Variants in PABPC4L observed in about 807,000 individuals in gnomAD.
PABPC4L encodes poly(A) binding protein cytoplasmic 4 like.
For synonymous variants in PABPC4L, 169 were observed against 164.1 expected, an observed-to-expected ratio of 1.03 and a Z score of -0.23; for missense variants, 452 against 451.4, an observed-to-expected ratio of 1.00 and a Z score of -0.01.
chr4:133,973,172 G>T, the PABPC4L span, among the ~76,000 whole-genome samples: 1 of 152,172 alleles, frequency 6.6e-6, no homozygotes, highest in Non-Finnish European at 1.5e-5. Flanking sequence ...CCAATTAAAT[G>T]TCTTGATTTA....
At chr4:134,177,965 GCA>G in the PABPC4L span, among the ~76,000 whole-genome samples, 1 of 151,996 alleles carries the variant, frequency 6.6e-6, no homozygotes, top group Admixed American at 6.6e-5. Flanking sequence ...CAGCTAGAAG[GCA>G]CAGTTTCCTG....
At chr4:134,138,792 G>A in the PABPC4L span, among the ~76,000 whole-genome samples, 1 of 151,604 alleles carries the variant, frequency 6.6e-6, no homozygotes, top group African/African-American at 2.4e-5. Flanking sequence ...CTTGCCCTTT[G>A]AAGAGCTGTA....
At chr4:134,174,336 T>C in the PABPC4L span, among the ~76,000 whole-genome samples, 1 of 152,126 alleles carries the variant, frequency 6.6e-6, no homozygotes, top group Admixed American at 6.6e-5. Context: ...GAATAATAAA[T>C]AGTATAGTAA....
the PABPC4L span, among the ~76,000 whole-genome samples, chr4:134,015,327 T>C: frequency 6.6e-5 from 10 of 152,116 alleles, no homozygotes; most frequent in Non-Finnish European, 1.5e-5. Context: ...AACAAAATTG[T>C]TTTGCCTATC....
chr4:134,024,988 T>C, the PABPC4L span, among the ~76,000 whole-genome samples: 5 of 148,680 alleles, frequency 3.4e-5, no homozygotes, highest in Admixed American at 3.4e-4. Context: ...TACAGGTTGG[T>C]CTCAGACTTC....
the PABPC4L span, among the ~76,000 whole-genome samples, chr4:134,079,578 C>CAAAAAAAAAAAA: frequency 5.5e-5 from 5 of 90,696 alleles, no homozygotes; most frequent in African/African-American, 1.6e-4. Flanking sequence ...GACTTCCTCT[C>CAAAAAAAAAAAA]AAAAAAAAAA....
chr4:134,148,776 C>A, the PABPC4L span, among the ~76,000 whole-genome samples: 8 of 152,048 alleles, frequency 5.3e-5, no homozygotes, highest in African/African-American at 1.9e-4. Context: ...ATACTAACTC[C>A]TTTTTTGTGT....
the PABPC4L span, among the ~76,000 whole-genome samples, chr4:134,040,565 C>A: frequency 2.4e-4 from 36 of 152,216 alleles, no homozygotes; most frequent in African/African-American, 8.7e-4. Flanking sequence ...ACACCTTATA[C>A]AAAAATTAAC....
At chr4:133,964,012 C>T in the PABPC4L span, among the ~76,000 whole-genome samples, 7 of 151,774 alleles carry the variant, frequency 4.6e-5, no homozygotes, top group East Asian at 7.8e-4. Flanking sequence ...AAAAAATATA[C>T]AAAATATAAA....
At chr4:134,137,047 A>G in the PABPC4L span, among the ~76,000 whole-genome samples, 2 of 151,974 alleles carry the variant, frequency 1.3e-5, no homozygotes, top group Admixed American at 6.6e-5. Flanking sequence ...TCTGTACTGG[A>G]GTTCATTCTC....
the PABPC4L span, among the ~76,000 whole-genome samples, chr4:134,111,437 TAC>T: frequency 6.6e-6 from 1 of 151,692 alleles, no homozygotes; most frequent in East Asian, 1.9e-4. Context: ...TATAGATAGA[TAC>T]ACACACACAT....
downstream of PABPC4L, among the ~76,000 whole-genome samples, chr4:134,195,769 A>G (rs1011613451): frequency 6.6e-6 from 1 of 151,702 alleles, no homozygotes; most frequent in East Asian, 1.9e-4. Context: ...ACCATGAGAC[A>G]AAACCAACAC....
the PABPC4L span, among the ~76,000 whole-genome samples, chr4:134,172,616 T>G: frequency 2.6e-5 from 4 of 152,018 alleles, no homozygotes; most frequent in African/African-American, 7.2e-5. Context: ...GATTTCATGA[T>G]GAAGATGCCA....
the PABPC4L span, among the ~76,000 whole-genome samples, chr4:134,055,831 G>A: frequency 6.6e-6 from 1 of 151,802 alleles, no homozygotes; most frequent in Non-Finnish European, 1.5e-5. Flanking sequence ...TTTTGTTGAA[G>A]TCTAATTCAT....
At chr4:134,147,801 G>A in the PABPC4L span, among the ~76,000 whole-genome samples, 2 of 151,400 alleles carry the variant, frequency 1.3e-5, no homozygotes, top group Non-Finnish European at 2.9e-5. Context: ...TAAAATAAGT[G>A]TTTGAATGCA....
rs755844780 is a variant in PABPC4L at position 134,197,712 on chromosome 4, T to G, written c.*2195A>C. 3 of 151,766 alleles carry G rather than the reference T, an allele frequency of 2.0e-5. No homozygotes were observed. The highest frequency in any genetic ancestry group is 4.4e-5 in the Non-Finnish European group (3 of 67,700). 9.4% of individuals were successfully genotyped at this position (151,766 alleles called of 1,614,324 possible). On this transcript the variant is annotated 3_prime_UTR_variant, in exon 2 of 2. Coordinates refer to ENST00000421491, the MANE Select transcript of PABPC4L (RefSeq NM_001114734.2). ...GAGTACACAAATACTGTTTAACTTT[T>G]GTAATTTACAAAAGTGAAATAAAGC...
chr4:134,172,602 C>A, the PABPC4L span, among the ~76,000 whole-genome samples: 1 of 151,874 alleles, frequency 6.6e-6, no homozygotes, highest in Admixed American at 6.6e-5. Flanking sequence ...TAAGTCCTGG[C>A]AAAGATTTCA....
At chr4:134,131,957 T>C in the PABPC4L span, among the ~76,000 whole-genome samples, 4 of 151,640 alleles carry the variant, frequency 2.6e-5, no homozygotes, top group Non-Finnish European at 4.4e-5. Flanking sequence ...CAAAAACAAA[T>C]TGGGGAATGG....
the PABPC4L span, among the ~76,000 whole-genome samples, chr4:134,111,341 A>G: frequency 6.6e-6 from 1 of 152,080 alleles, no homozygotes; most frequent in Non-Finnish European, 1.5e-5. Context: ...ACATTTTTCA[A>G]ATGAATTTTG....
Sources: allele counts gnomAD v4.1 joint callset (sites outside exome capture counted in the v4.1 genomes callset), GRCh38; gene constraint gnomAD v4.1.1; transcripts MANE v1.5; gene names NCBI Gene and HGNC (gene_info 2026-07-23, HGNC 2026-07-21).